PDE1A: variants seen among roughly 807,000 people sequenced by gnomAD.
PDE1A encodes phosphodiesterase 1A.
Under a neutral mutation model 61.7 loss-of-function variants are expected in PDE1A, and 35 were observed. The ratio of observed to expected loss-of-function variants is 0.57; its 90% CI spans 0.43 to 0.75. The LOEUF (loss-of-function observed/expected upper bound fraction) is 0.75. PDE1A is among the 30% of genes least tolerant of loss of function. PDE1A has a pLI of 0.00. For missense variants in PDE1A, 597 were observed against 630.6 expected, an observed-to-expected ratio of 0.95 and a Z score of 0.57; for synonymous variants, 232 against 213.2, an observed-to-expected ratio of 1.09 and a Z score of -0.77.
At chr2:182,447,440 G>C (rs574551587) in intron 2 of PDE1A, among the ~76,000 whole-genome samples, 1 of 152,120 alleles carries the variant, frequency 6.6e-6, no homozygotes, top group South Asian at 2.1e-4. Flanking sequence ...CAGTTCATGA[G>C]GAGCCCTTTT....
intron 13 of PDE1A, among the ~76,000 whole-genome samples, chr2:182,181,724 G>C (rs915231631): frequency 1.3e-5 from 2 of 152,162 alleles, no homozygotes; most frequent in Non-Finnish European, 2.9e-5. Context: ...AGTCCTGTCT[G>C]TAAGCCCCTG....
At chr2:182,326,545 GA>G (rs1250591245) in intron 1 of PDE1A, among the ~76,000 whole-genome samples, 3 of 152,084 alleles carry the variant, frequency 2.0e-5, no homozygotes, top group African/African-American at 7.2e-5. Flanking sequence ...ACAGAAAATA[GA>G]ACAGTTGTTC....
At chr2:182,280,896 T>C (rs578001962) in intron 1 of PDE1A, among the ~76,000 whole-genome samples, 1 of 152,034 alleles carries the variant, frequency 6.6e-6, no homozygotes, top group East Asian at 1.9e-4. Context: ...AAAACTTCTT[T>C]TTAATGATGT....
chr2:182,686,551 G>A, the PDE1A span, among the ~76,000 whole-genome samples: 12 of 152,138 alleles, frequency 7.9e-5, no homozygotes, highest in East Asian at 1.9e-4. Flanking sequence ...GTTGACAGGC[G>A]GTTCCAAGAT....
the PDE1A span, among the ~76,000 whole-genome samples, chr2:182,689,650 T>G: frequency 6.6e-6 from 1 of 151,972 alleles, no homozygotes; most frequent in African/African-American, 2.4e-5. Flanking sequence ...CATTCAAAAG[T>G]TAGCAGAAGG....
At chr2:182,242,634 A>G (rs956414868) in intron 2 of PDE1A, among the ~76,000 whole-genome samples, 2 of 152,214 alleles carry the variant, frequency 1.3e-5, no homozygotes, top group Non-Finnish European at 2.9e-5. Context: ...AAAGCAGATT[A>G]CCCTCTAAAT....
chr2:182,143,311 CA>C (rs5836825), downstream of PDE1A, among the ~76,000 whole-genome samples: 104,637 of 151,012 alleles, frequency 0.69, 36,471 homozygotes, highest in East Asian at 0.89. Flanking sequence ...TCCACAATTT[CA>C]AAAAAAAACA....
intron 6 of PDE1A, among the ~76,000 whole-genome samples, chr2:182,224,263 C>T (rs1688963010): frequency 6.6e-6 from 1 of 151,694 alleles, no homozygotes; most frequent in Non-Finnish European, 1.5e-5. Flanking sequence ...AATTTACAGC[C>T]ATACATGTTT....
At chr2:182,240,879 C>G (rs1249222764) in intron 2 of PDE1A, among the ~76,000 whole-genome samples, 1 of 151,586 alleles carries the variant, frequency 6.6e-6, no homozygotes, top group Admixed American at 6.6e-5. Context: ...ATCAATGTCA[C>G]AGATTTTAAA....
chr2:182,407,424 C>G (rs1434234129), intron 1 of PDE1A, among the ~76,000 whole-genome samples: 1 of 151,832 alleles, frequency 6.6e-6, no homozygotes, highest in African/African-American at 2.4e-5. Context: ...CTCTATTGCC[C>G]AGGCTGGAGT....
At chr2:182,691,554 T>C in the PDE1A span, among the ~76,000 whole-genome samples, 1 of 152,168 alleles carries the variant, frequency 6.6e-6, no homozygotes, top group African/African-American at 2.4e-5. Context: ...GACTTACATG[T>C]TAGACCTAAA....
intron 13 of PDE1A, among the ~76,000 whole-genome samples, chr2:182,170,135 G>C (rs1235237879): frequency 6.6e-6 from 1 of 151,996 alleles, no homozygotes; most frequent in Non-Finnish European, 1.5e-5. Context: ...TCTAGAACAT[G>C]ATACAGGTTA....
chr2:182,423,343 C>A (rs1703399861), intron 1 of PDE1A, among the ~76,000 whole-genome samples: 1 of 152,020 alleles, frequency 6.6e-6, no homozygotes, highest in South Asian at 2.1e-4. Flanking sequence ...GATTTGGAAT[C>A]TTTACTGTAG....
chr2:182,218,249 T>C (rs1468852385), intron 7 of PDE1A, among the ~76,000 whole-genome samples: 1 of 131,498 alleles, frequency 7.6e-6, no homozygotes, highest in African/African-American at 2.9e-5. Context: ...AAGGGGAACA[T>C]CACACTCTGG....
At chr2:182,652,005 T>G in the PDE1A span, among the ~76,000 whole-genome samples, 2 of 152,216 alleles carry the variant, frequency 1.3e-5, no homozygotes, top group East Asian at 1.9e-4. Flanking sequence ...TATTGACAGC[T>G]GAGCTTATTA....
intron 10 of PDE1A, among the ~76,000 whole-genome samples, chr2:182,193,555 C>A (rs1168644212): frequency 6.6e-6 from 1 of 152,008 alleles, no homozygotes; most frequent in Non-Finnish European, 1.5e-5. Flanking sequence ...ATGCACTAAT[C>A]TAGCCTTATT....
chr2:182,542,727 A>G, the PDE1A span, among the ~76,000 whole-genome samples: 1 of 152,202 alleles, frequency 6.6e-6, no homozygotes, highest in East Asian at 1.9e-4. Flanking sequence ...AACGAATGAT[A>G]AATTTTTGGT....
the PDE1A span, among the ~76,000 whole-genome samples, chr2:182,598,576 A>C: frequency 4.0e-5 from 6 of 151,428 alleles, no homozygotes; most frequent in Admixed American, 2.0e-4. Flanking sequence ...AAAAAAAAAA[A>C]CAAAAACAAG....
the PDE1A span, among the ~76,000 whole-genome samples, chr2:182,673,193 G>A: frequency 0.064 from 9,800 of 152,160 alleles, 1,017 homozygotes; most frequent in African/African-American, 0.22. Context: ...AAGCCACTAT[G>A]GTGACTTCTA....
Sources: gnomAD v4.1 joint callset for allele counts (sites outside exome capture counted in the v4.1 genomes callset) on GRCh38, gnomAD v4.1.1 for gene constraint, MANE v1.5 for transcripts, NCBI Gene and HGNC (gene_info 2026-07-23, HGNC 2026-07-21) for gene names.